Variants in GNA14 observed in about 807,000 individuals in gnomAD.
GNA14 encodes the protein guanine nucleotide-binding protein subunit alpha-14.
Under a neutral mutation model 42.0 loss-of-function variants are expected in GNA14, and 50 were observed. That is an observed-to-expected ratio of 1.19 (90% CI 0.95 to 1.51). The LOEUF (loss-of-function observed/expected upper bound fraction) is 1.51, where lower values mean the gene tolerates loss of function less well. Among genes scored for constraint, GNA14 ranks in the 40% most tolerant of loss-of-function variants. GNA14 has a pLI of 0.00. For missense variants in GNA14, 473 were observed against 446.2 expected (o/e 1.06, Z -0.54); for synonymous variants, 173 against 163.1 (o/e 1.06, Z -0.46).
At chr9:77,480,477 A>G (rs1300428659) in intron 2 of GNA14, among the ~76,000 whole-genome samples, 1 of 152,180 alleles carries the variant, frequency 6.6e-6, no homozygotes, top group African/African-American at 2.4e-5. Context: ...GGATTTTTGC[A>G]TCAATGTTCA....
chr9:77,563,051 C>T (rs112099916), intron 1 of GNA14, among the ~76,000 whole-genome samples: 2,946 of 152,240 alleles, frequency 0.019, 52 homozygotes, highest in Middle Eastern at 0.068. Context: ...TGTATAAAAC[C>T]AGTCTGGCAT....
At chr9:77,485,543 C>T (rs1836643561) in intron 2 of GNA14, among the ~76,000 whole-genome samples, 1 of 152,070 alleles carries the variant, frequency 6.6e-6, no homozygotes, top group African/African-American at 2.4e-5. Flanking sequence ...TGAATCCTTC[C>T]CAGAAGGCTT....
chr9:77,480,086 T>A (rs1278118084), intron 2 of GNA14, among the ~76,000 whole-genome samples: 2 of 152,180 alleles, frequency 1.3e-5, no homozygotes, highest in Admixed American at 6.5e-5. Context: ...TCCAACACTA[T>A]ATTGAATAGG....
intron 1 of GNA14, among the ~76,000 whole-genome samples, chr9:77,612,475 C>T (rs1823749489): frequency 6.6e-6 from 1 of 152,066 alleles, no homozygotes; most frequent in Non-Finnish European, 1.5e-5. Flanking sequence ...TGTGAGTCTA[C>T]AATCAGGCAA....
chr9:77,569,816 G>C (rs563621918), intron 1 of GNA14, among the ~76,000 whole-genome samples: 7 of 151,576 alleles, frequency 4.6e-5, no homozygotes, highest in Non-Finnish European at 8.8e-5. Context: ...ACCCAGGCAG[G>C]AGTGCTGTGG....
intron 2 of GNA14, among the ~76,000 whole-genome samples, chr9:77,507,866 C>T (rs1030899198): frequency 2.6e-5 from 4 of 152,076 alleles, no homozygotes; most frequent in African/African-American, 9.7e-5. Context: ...ATCACTGCGC[C>T]CACCACCATG....
chr9:77,442,759 C>T (rs1350372100), intron 2 of GNA14, among the ~76,000 whole-genome samples: 1 of 152,190 alleles, frequency 6.6e-6, no homozygotes, highest in East Asian at 1.9e-4. Flanking sequence ...ACATCTTCCT[C>T]ATCCTCAAAT....
At chr9:77,504,565 A>C (rs949125204) in intron 2 of GNA14, among the ~76,000 whole-genome samples, 2 of 149,338 alleles carry the variant, frequency 1.3e-5, no homozygotes, top group African/African-American at 2.5e-5. Context: ...AGAGAGAGAG[A>C]GAGAGAAACA....
intron 2 of GNA14, among the ~76,000 whole-genome samples, chr9:77,525,279 C>G (rs889314089): frequency 5.3e-5 from 8 of 152,146 alleles, no homozygotes; most frequent in Non-Finnish European, 8.8e-5. Context: ...GACTCCAGCC[C>G]TAGACCCACA....
chr9:77,460,095 C>T (rs774644123), intron 2 of GNA14, among the ~76,000 whole-genome samples: 23 of 152,316 alleles, frequency 1.5e-4, no homozygotes, highest in South Asian at 1.0e-3. Context: ...TGAGCTGAAT[C>T]GTGTCTCCAT....
chr9:77,587,066 A>G (rs1398773942), intron 1 of GNA14, among the ~76,000 whole-genome samples: 1 of 150,814 alleles, frequency 6.6e-6, no homozygotes, highest in Admixed American at 6.6e-5. Context: ...TACCTTCACT[A>G]TCTGACTAAA....
At chr9:77,570,334 T>C (rs778205405) in intron 1 of GNA14, among the ~76,000 whole-genome samples, 1 of 152,118 alleles carries the variant, frequency 6.6e-6, no homozygotes, top group Non-Finnish European at 1.5e-5. Context: ...TTTTAGAACA[T>C]CTTATCATGT....
In GNA14 at chr9:77,621,095, A is replaced by C. The variant is rs992380673; in HGVS notation, c.124+26575T>G. On this transcript the variant is annotated intron_variant, in intron 1 of 6. Coordinates refer to ENST00000341700, the MANE Select transcript of GNA14 (RefSeq NM_004297.4). ...ACCACAGGAGCATGCCACCATGTTC[A>C]GTCAATTTTTATACTTTTTGTAGAG... is the stretch of plus-strand genomic sequence containing the variant. Among the ~76,000 whole-genome samples, 9 of 151,874 alleles carry C rather than the reference A, an allele frequency of 5.9e-5. No individual in the cohort carries two copies. In the East Asian group the frequency reaches 1.8e-3, roughly 30 times the overall value.
chr9:77,529,262 C>G lies in GNA14; in HGVS notation c.125-9G>C. Reference sequence around the variant, plus strand: ...CCCACTTTCACCAGTTCCTATAAGACAAAACAAGTGGAAAACGCTGTCAGC... The same window carrying G: ...CCCACTTTCACCAGTTCCTATAAGAGAAAACAAGTGGAAAACGCTGTCAGC... On this transcript the variant is annotated splice_polypyrimidine_tract_variant and intron_variant, in intron 1 of 6. Transcript: ENST00000341700. 6.2e-7 allele frequency: 1 copy of G among 1,610,984 alleles called. No individual in the cohort carries two copies.
chr9:77,638,761 G>T (rs1261472751), intron 1 of GNA14, among the ~76,000 whole-genome samples: 1 of 152,208 alleles, frequency 6.6e-6, no homozygotes, highest in Non-Finnish European at 1.5e-5. Context: ...AAATGTGGGA[G>T]ATGGGAAATC....
At chr9:77,496,573 TAAACAA>T (rs1314367319) in intron 2 of GNA14, among the ~76,000 whole-genome samples, 2 of 152,106 alleles carry the variant, frequency 1.3e-5, no homozygotes, top group Non-Finnish European at 2.9e-5. Flanking sequence ...TGCGCACAGT[TAAACAA>T]GACAATGAAA....
At chr9:77,639,702 G>T (rs1824229823) in intron 1 of GNA14, among the ~76,000 whole-genome samples, 1 of 152,236 alleles carries the variant, frequency 6.6e-6, no homozygotes, top group Non-Finnish European at 1.5e-5. Context: ...ACTAGCATTT[G>T]CTATGTCCAG....
At chr9:77,633,214 G>A in intron 1 of GNA14, among the ~76,000 whole-genome samples, 1 of 152,248 alleles carries the variant, frequency 6.6e-6, no homozygotes, top group South Asian at 2.1e-4. Flanking sequence ...ATATTCTGAG[G>A]AACTTAATTT....
At chr9:77,609,046 A>G (rs918763803) in intron 1 of GNA14, among the ~76,000 whole-genome samples, 5 of 152,144 alleles carry the variant, frequency 3.3e-5, no homozygotes, top group Non-Finnish European at 2.9e-5. Context: ...GAATTTGCCA[A>G]ATCTTCAAGT....
Sources: allele counts gnomAD v4.1 joint callset (sites outside exome capture counted in the v4.1 genomes callset), GRCh38; gene constraint gnomAD v4.1.1; transcripts MANE v1.5; gene names NCBI Gene and HGNC (gene_info 2026-07-23, HGNC 2026-07-21).